SRGAP3: variants seen among roughly 807,000 people sequenced by gnomAD.
SRGAP3 encodes SLIT-ROBO Rho GTPase activating protein 3.
SRGAP3 carries 39 observed loss-of-function variants against 121.1 expected under a neutral mutation model. The observed-to-expected ratio is 0.32, with a 90% CI of 0.25 to 0.42. The LOEUF (loss-of-function observed/expected upper bound fraction) is 0.42, where lower values mean the gene tolerates loss of function less well. SRGAP3 is among the 10% of genes least tolerant of loss of function. The pLI is 1.00. For synonymous variants in SRGAP3, 601 were observed against 570.0 expected, an observed-to-expected ratio of 1.05 and a Z score of -0.77; for missense variants, 1,213 against 1,470.6, an observed-to-expected ratio of 0.82 and a Z score of 2.86.
chr3:9,119,378 T>G (rs903841920), intron 2 of SRGAP3, among the ~76,000 whole-genome samples: 3 of 152,260 alleles, frequency 2.0e-5, no homozygotes, highest in Non-Finnish European at 4.4e-5. Context: ...GGTGGTCTTT[T>G]AAACATATAA....
At chr3:9,014,586 A>G (rs2125036356) in intron 15 of SRGAP3, among the ~76,000 whole-genome samples, 1 of 152,338 alleles carries the variant, frequency 6.6e-6, no homozygotes, top group Non-Finnish European at 1.5e-5. Flanking sequence ...ACACTGGCTG[A>G]GCAAGTGATA....
chr3:9,104,725 G>T lies in SRGAP3; in HGVS notation c.378C>A (p.Val126=), dbSNP rs1219074797. The change falls in exon 3 of 22, where the codon GTC becomes GTA. Residue 126 remains valine, a synonymous_variant. Transcript: ENST00000383836. ...LNDIFMNNVI[V]RLSQISEDVI... ...CATCCTCACTGATCTGGGAGAGGCG[G>T]ACGATGACATTGTTCATGAAGATGT... is the stretch of plus-strand genomic sequence containing the variant. The T allele has an allele frequency of 1.9e-6, 3 of 1,614,130 alleles. No individual in the cohort carries two copies. The Admixed American group carries it at 5.0e-5, about 27-fold the overall frequency.
At position 8,985,918 on chromosome 3, in the gene SRGAP3, G is replaced by A; in HGVS notation, c.2901C>T (p.Thr967=). 6.3e-7 allele frequency: 1 copy of A among 1,599,620 alleles called. No individual in the cohort carries two copies. The highest frequency in any genetic ancestry group is 1.1e-5 in the South Asian group (1 of 91,072). Residue 967 remains threonine (T), a synonymous_variant, in exon 22 of 22, where the codon ACC becomes ACT. Transcript: ENST00000383836. This position sits in a 1 kb window ranked among gnomAD's most constrained non-coding sequence, Gnocchi z 5.1. ...GCAACTCGTGCAGAGCCGTGCTCAT[G>A]GTCTTCTCGATGTCCTGGGGACAGA... ...AEALAEDIEK[T]MSTALHELRE...
intron 13 of SRGAP3, among the ~76,000 whole-genome samples, 192 bp downstream of exon 13, chr3:9,026,743 A>T (rs922841417): frequency 6.6e-6 from 1 of 152,162 alleles, no homozygotes; most frequent in East Asian, 1.9e-4. Context: ...TCTCACCATG[A>T]TCTCCATCCC....
At chr3:9,274,540 T>A (rs565482711) in intron 3 of SRGAP3, among the ~76,000 whole-genome samples, 135 of 152,172 alleles carry the variant, frequency 8.9e-4, no homozygotes, top group Non-Finnish European at 3.7e-4. Context: ...GAAGGAGCGT[T>A]ACAGTGCCCT....
intron 15 of SRGAP3, among the ~76,000 whole-genome samples, chr3:9,015,078 T>G (rs1197947951): frequency 1.3e-5 from 2 of 152,182 alleles, no homozygotes. Flanking sequence ...CAACTTACTT[T>G]CAGCATTTCC....
intron 18 of SRGAP3, among the ~76,000 whole-genome samples, chr3:8,995,231 G>C (rs2124951504): frequency 6.6e-6 from 1 of 152,062 alleles, no homozygotes; most frequent in East Asian, 1.9e-4. Flanking sequence ...CAACACTTCG[G>C]GAGGCTGAGG....
chr3:9,183,544 A>G (rs1269079778), intron 1 of SRGAP3, among the ~76,000 whole-genome samples: 1 of 152,006 alleles, frequency 6.6e-6, no homozygotes, highest in Non-Finnish European at 1.5e-5. Context: ...CAAGTCTGGG[A>G]GAATACACAG....
intron 18 of SRGAP3, among the ~76,000 whole-genome samples, chr3:8,997,877 G>C (rs1466044676): frequency 3.3e-5 from 3 of 89,848 alleles, no homozygotes; most frequent in African/African-American, 7.8e-5. Context: ...TATTCATAGA[G>C]GTTTTTTTTT....
intron 2 of SRGAP3, among the ~76,000 whole-genome samples, chr3:9,122,282 A>G (rs1949035435): frequency 1.3e-5 from 2 of 152,324 alleles, no homozygotes; most frequent in South Asian, 4.2e-4. Context: ...TACAATGAGC[A>G]TTTTACCTTT....
chr3:8,988,621 G>T (rs935024531), intron 21 of SRGAP3, among the ~76,000 whole-genome samples: 3 of 152,182 alleles, frequency 2.0e-5, no homozygotes, highest in East Asian at 3.9e-4. Context: ...TCTGGGATAT[G>T]GGGCATGCCC....
intron 21 of SRGAP3, among the ~76,000 whole-genome samples, chr3:8,990,175 A>ATGAATGAATGAG (rs1396262360): frequency 6.6e-6 from 1 of 152,262 alleles, no homozygotes; most frequent in Non-Finnish European, 1.5e-5. Flanking sequence ...GAAGAGAGAA[A>ATGAATGAATGAG]TGAATGAATG....
At chr3:9,308,564 A>C (rs567376540) in intron 3 of SRGAP3, among the ~76,000 whole-genome samples, 1 of 152,286 alleles carries the variant, frequency 6.6e-6, no homozygotes, top group South Asian at 2.1e-4. Context: ...TCTTGTTTAC[A>C]GGGTCAGTGG....
intron 1 of SRGAP3, among the ~76,000 whole-genome samples, chr3:9,220,201 C>G (rs1952765912): frequency 6.6e-6 from 1 of 152,082 alleles, no homozygotes; most frequent in Non-Finnish European, 1.5e-5. Flanking sequence ...GTTCCCAACA[C>G]AAAGAAATTA....
intron 1 of SRGAP3, among the ~76,000 whole-genome samples, chr3:9,208,130 G>C (rs947655771): frequency 2.6e-5 from 4 of 151,916 alleles, no homozygotes; most frequent in African/African-American, 9.7e-5. Flanking sequence ...ACTGGGCACC[G>C]TAGCCTTCCT....
At chr3:9,133,563 C>T (rs1217360675) in intron 1 of SRGAP3, among the ~76,000 whole-genome samples, 3 of 152,176 alleles carry the variant, frequency 2.0e-5, no homozygotes, top group African/African-American at 7.2e-5. Context: ...TTACAGCACA[C>T]TAGAATTCCA....
At chr3:9,302,641 G>C (rs1053528311) in intron 3 of SRGAP3, among the ~76,000 whole-genome samples, 1 of 152,180 alleles carries the variant, frequency 6.6e-6, no homozygotes, top group Admixed American at 6.5e-5. Context: ...TCTAAAATGA[G>C]AGCTTAGACA....
intron 10 of SRGAP3, among the ~76,000 whole-genome samples, chr3:9,045,191 TAAAAA>T (rs566506713): frequency 1.4e-5 from 2 of 138,966 alleles, no homozygotes; most frequent in African/African-American, 5.3e-5. Context: ...AAGTTTACTT[TAAAAA>T]AAAAAAAAAA....
chr3:9,200,227 A>C (rs980931893), intron 1 of SRGAP3, among the ~76,000 whole-genome samples: 5 of 152,256 alleles, frequency 3.3e-5, no homozygotes, highest in Non-Finnish European at 7.3e-5. Flanking sequence ...TTTGTTTTTA[A>C]GATAAATAAG....
Sources: allele counts gnomAD v4.1 joint callset (sites outside exome capture counted in the v4.1 genomes callset), GRCh38; gene constraint gnomAD v4.1.1; non-coding constraint Gnocchi (gnomAD v3.1); transcripts MANE v1.5; gene names NCBI Gene and HGNC (gene_info 2026-07-23, HGNC 2026-07-21).